ZNF385B: variants seen among roughly 807,000 people sequenced by gnomAD.
ZNF385B encodes zinc finger protein 533.
ZNF385B carries 23 observed loss-of-function variants against 39.2 expected under a neutral mutation model. The ratio of observed to expected loss-of-function variants is 0.59; its 90% CI spans 0.42 to 0.83. The LOEUF is 0.83. Ranked by LOEUF, ZNF385B falls within the 40% of genes least tolerant of loss-of-function variation. The pLI is 0.00. For synonymous variants in ZNF385B, 205 were observed against 222.6 expected (o/e 0.92, Z 0.70); for missense variants, 552 against 598.9 (o/e 0.92, Z 0.82).
chr2:179,823,786 A>G (rs745983485), intron 1 of ZNF385B, among the ~76,000 whole-genome samples: 13 of 152,134 alleles, frequency 8.5e-5, no homozygotes, highest in Non-Finnish European at 1.6e-4. Context: ...TCCTCTGTCA[A>G]TCATTGAAAT....
chr2:179,640,250 G>A (rs915063126), intron 3 of ZNF385B, among the ~76,000 whole-genome samples: 3 of 152,034 alleles, frequency 2.0e-5, no homozygotes, highest in Non-Finnish European at 4.4e-5. Flanking sequence ...GTGACAAAAC[G>A]GCAGGCTATA....
At chr2:179,497,203 G>A (rs1161849782) in intron 5 of ZNF385B, among the ~76,000 whole-genome samples, 2 of 152,168 alleles carry the variant, frequency 1.3e-5, no homozygotes, top group Non-Finnish European at 1.5e-5. Context: ...AAATAATCAC[G>A]TGAAGGTACA....
intron 3 of ZNF385B, among the ~76,000 whole-genome samples, chr2:179,746,308 T>C (rs553322111): frequency 8.5e-5 from 13 of 152,308 alleles, no homozygotes; most frequent in African/African-American, 2.9e-4. Context: ...CGAGGACTTA[T>C]AAAGGCTGCA....
At chr2:179,763,054 G>A (rs1703493031) in intron 3 of ZNF385B, among the ~76,000 whole-genome samples, 1 of 152,054 alleles carries the variant, frequency 6.6e-6, no homozygotes, top group Non-Finnish European at 1.5e-5. Context: ...CCAGGCACTT[G>A]TCACCATGCT....
chr2:179,695,180 T>G (rs1293158446), intron 3 of ZNF385B, among the ~76,000 whole-genome samples: 1 of 152,206 alleles, frequency 6.6e-6, no homozygotes, highest in East Asian at 1.9e-4. Context: ...ACTAGAGTTA[T>G]GATATCATCA....
chr2:179,657,275 T>C (rs1032461234), intron 3 of ZNF385B, among the ~76,000 whole-genome samples: 2 of 152,222 alleles, frequency 1.3e-5, no homozygotes, highest in African/African-American at 4.8e-5. Flanking sequence ...CACCCTATTA[T>C]TGTGTAAATA....
chr2:179,658,114 T>TGGG (rs2106267411), intron 3 of ZNF385B, among the ~76,000 whole-genome samples: 1 of 152,242 alleles, frequency 6.6e-6, no homozygotes, highest in East Asian at 1.9e-4. Flanking sequence ...GCAGGATCCC[T>TGGG]TTTAAAAAAT....
At position 179,696,891 on chromosome 2, in the gene ZNF385B, C is replaced by T. The variant is rs186998287; in HGVS notation, c.298+72612G>A. On this transcript the variant is annotated intron_variant, in intron 3 of 9. Coordinates refer to ENST00000410066, the MANE Select transcript of ZNF385B (RefSeq NM_152520.6). ...GACCATCTACCATTCTTAATTCAGC[C>T]CCGTAAAGAAGGAAAGGGACAACAA... 7.9e-5 allele frequency among the ~76,000 whole-genome samples: 12 copies of T among 152,066 alleles called. 1 individual carries two copies. In the East Asian group the frequency reaches 2.3e-3, roughly 29 times the overall value.
intron 3 of ZNF385B, among the ~76,000 whole-genome samples, chr2:179,589,963 A>C (rs1687412345): frequency 6.6e-6 from 1 of 152,248 alleles, no homozygotes; most frequent in African/African-American, 2.4e-5. Flanking sequence ...CCGTCACCAA[A>C]GTGATAAAAA....
chr2:179,739,099 T>G (rs1281279964), intron 3 of ZNF385B, among the ~76,000 whole-genome samples: 2 of 152,210 alleles, frequency 1.3e-5, no homozygotes, highest in African/African-American at 2.4e-5. Context: ...GGTACCTTAA[T>G]CTCTCTGTAC....
intron 1 of ZNF385B, among the ~76,000 whole-genome samples, chr2:179,785,802 T>A (rs1704962329): frequency 6.6e-6 from 1 of 152,196 alleles, no homozygotes; most frequent in East Asian, 1.9e-4. Context: ...GCTGTGAACA[T>A]CGCTGAAATG....
At chr2:179,631,285 C>G (rs999367118) in intron 3 of ZNF385B, among the ~76,000 whole-genome samples, 6 of 152,152 alleles carry the variant, frequency 3.9e-5, no homozygotes, top group African/African-American at 9.7e-5. Context: ...GTCAAATTAC[C>G]TACAAAGAGA....
intron 3 of ZNF385B, among the ~76,000 whole-genome samples, chr2:179,754,785 T>G (rs1204536619): frequency 1.3e-5 from 2 of 152,218 alleles, no homozygotes; most frequent in South Asian, 2.1e-4. Context: ...ATATCCCCTT[T>G]ATCATTTTTT....
intron 3 of ZNF385B, 75 bp downstream of exon 3, chr2:179,769,428 G>C: frequency 2.5e-6 from 4 of 1,579,854 alleles, no homozygotes; most frequent in Non-Finnish European, 3.4e-6. Flanking sequence ...ATTAAGTCTT[G>C]TTCTAAATCC....
At chr2:179,611,493 C>T (rs1262755710) in intron 3 of ZNF385B, among the ~76,000 whole-genome samples, 4 of 152,068 alleles carry the variant, frequency 2.6e-5, no homozygotes, top group Admixed American at 1.3e-4. Context: ...GAATATTGGC[C>T]GATAGTTCTC....
At chr2:179,513,061 T>A (rs186265240) in intron 5 of ZNF385B, among the ~76,000 whole-genome samples, 5 of 152,302 alleles carry the variant, frequency 3.3e-5, no homozygotes, top group South Asian at 2.1e-4. Flanking sequence ...ATGCAGTCTG[T>A]TTACTGTGCA....
chr2:179,818,732 A>G (rs1707221161), intron 1 of ZNF385B, among the ~76,000 whole-genome samples: 2 of 152,178 alleles, frequency 1.3e-5, no homozygotes, highest in African/African-American at 2.4e-5. Context: ...GCTGACTAGG[A>G]GGAAACACAT....
chr2:179,462,712 AAAGGAGT>A lies in ZNF385B; in HGVS notation c.716-15949_716-15943del, dbSNP rs1197374573. Among the ~76,000 whole-genome samples the A allele has an allele frequency of 2.6e-5, 4 of 152,220 alleles. No individual in the cohort carries two copies. The East Asian group carries it at 7.7e-4, about 29-fold the overall frequency. On this transcript the variant is annotated intron_variant, in intron 6 of 9. Transcript: ENST00000410066. ...ATCACTATATTGTTAGATGCACAAA[AAAGGAGT>A]ATTCATTTGTAGTGTAATGGGACTA...
chr2:179,822,024 G>A (rs1282386411), intron 1 of ZNF385B, among the ~76,000 whole-genome samples: 1 of 152,124 alleles, frequency 6.6e-6, no homozygotes, highest in Admixed American at 6.5e-5. Flanking sequence ...AACACATTAT[G>A]TTCCTCTTTT....
Sources: allele counts gnomAD v4.1 joint callset (sites outside exome capture counted in the v4.1 genomes callset), GRCh38; gene constraint gnomAD v4.1.1; transcripts MANE v1.5; gene names NCBI Gene and HGNC (gene_info 2026-07-23, HGNC 2026-07-21).